Variants in ACLY observed in about 807,000 individuals in gnomAD.
ACLY encodes the protein ATP citrate lyase, also known as ATP-citrate synthase.
A neutral mutation model predicts 133.0 loss-of-function variants in ACLY; 41 were observed. The observed-to-expected ratio is 0.31, with a 90% CI of 0.24 to 0.40. The LOEUF (loss-of-function observed/expected upper bound fraction) is 0.40. Ranked by LOEUF, ACLY falls within the 10% of genes least tolerant of loss-of-function variation. ACLY has a pLI of 1.00. For synonymous variants in ACLY, 495 were observed against 549.3 expected (o/e 0.90, Z 1.38); for missense variants, 1,046 against 1,453.8 (o/e 0.72, Z 4.56).
chr17:41,929,632 C>A (rs2050290444), intron 1 of ACLY, among the ~76,000 whole-genome samples: 1 of 152,158 alleles, frequency 6.6e-6, no homozygotes, highest in South Asian at 2.1e-4. Context: ...AGATAAAACT[C>A]CTTCAAGCAG....
chr17:41,908,953 A>G lies in ACLY; in HGVS notation c.616+36T>C, dbSNP rs200280664. 5.9e-4 allele frequency: 921 copies of G among 1,553,154 alleles called. 6 individuals are homozygous for G. The African/African-American group carries it at 0.011, about 19-fold the overall frequency. On this transcript the variant is annotated intron_variant, in intron 6 of 28. Coordinates refer to ENST00000352035, the MANE Select transcript of ACLY (RefSeq NM_001096.3). The stretch of plus-strand genomic sequence containing the variant: ...GGCCAGGGCTGTCATAGGCACTGGG[A>G]CCCTTGCCCCCTCCCAGCCAAGCAC...
In ACLY at chr17:41,909,718, A is replaced by G. The variant is rs527938992; in HGVS notation, c.346-18T>C. Reference sequence around the variant, plus strand: ...TCCTCAGCCTTGCAGGTGAAGAGACAGGACAGTGGGATTGGGGTTGTGGGG... The same window carrying G: ...TCCTCAGCCTTGCAGGTGAAGAGACGGGACAGTGGGATTGGGGTTGTGGGG... On this transcript the variant is annotated intron_variant, in intron 4 of 28. Coordinates refer to ENST00000352035, the MANE Select transcript of ACLY (RefSeq NM_001096.3). 2 of 1,611,432 alleles carry G rather than the reference A, an allele frequency of 1.2e-6. No individual in the cohort carries two copies. Among genetic ancestry groups the G allele is most frequent in the South Asian group, 1.1e-5 (1 of 90,974 alleles).
chr17:41,879,813 G>C (rs2048868489), intron 20 of ACLY, among the ~76,000 whole-genome samples: 1 of 151,106 alleles, frequency 6.6e-6, no homozygotes, highest in Non-Finnish European at 1.5e-5. Flanking sequence ...CAACCTCCCA[G>C]GCTCGGGTGA....
At chr17:41,923,732 G>T (rs1252227178), upstream of ACLY, among the ~76,000 whole-genome samples, 1 of 152,178 alleles carries the variant, frequency 6.6e-6, no homozygotes, top group Admixed American at 6.5e-5. Flanking sequence ...CAATTGTAGG[G>T]GAAGGGCAGG....
intron 27 of ACLY, 94 bp downstream of exon 27, chr17:41,868,945 TCAAA>T: frequency 7.3e-7 from 1 of 1,366,438 alleles, no homozygotes; most frequent in Admixed American, 1.9e-5. Context: ...TCCTTATTTT[TCAAA>T]TATTCTATTA....
chr17:41,874,032 C>G, intron 22 of ACLY, 67 bp from the exon 23 acceptor site: 1 of 1,464,168 alleles, frequency 6.8e-7, no homozygotes, highest in Non-Finnish European at 9.1e-7. Context: ...CAGGACTGCC[C>G]TGCTGTGTGT....
intron 22 of ACLY, among the ~76,000 whole-genome samples, chr17:41,875,139 A>G (rs1357878953): frequency 1.3e-5 from 2 of 151,852 alleles, no homozygotes; most frequent in Non-Finnish European, 2.9e-5. Context: ...ACTTGAGGTC[A>G]GGAGTTCGAG....
chr17:41,887,081 G>T (rs940121609), intron 17 of ACLY, among the ~76,000 whole-genome samples: 1 of 143,338 alleles, frequency 7.0e-6, no homozygotes, highest in Non-Finnish European at 1.5e-5. Flanking sequence ...CCAAGATCGT[G>T]CCACTGCACT....
intron 5 of ACLY, 53 bp downstream of exon 5, chr17:41,909,457 C>T (rs905301132): frequency 5.1e-6 from 8 of 1,580,576 alleles, no homozygotes; most frequent in Non-Finnish European, 6.1e-6. Context: ...TGCCCAGAGC[C>T]TGTCGGTCTT....
At chr17:41,892,258 C>T (rs781835265) in intron 16 of ACLY, 21 bp downstream of exon 16, 3 of 377,388 alleles carry the variant, frequency 7.9e-6, no homozygotes, top group East Asian at 2.3e-4. Context: ...ACCCCCCACC[C>T]TCCAGAGCCC....
rs60296550 is a variant in ACLY at position 41,900,069 on chromosome 17, C to CAAAAAAAAAAAAA, written c.1184-1297_1184-1285dup. Among the ~76,000 whole-genome samples the CAAAAAAAAAAAAA allele has an allele frequency of 3.0e-4, 14 of 46,630 alleles. 1 individual carries two copies. Among genetic ancestry groups the CAAAAAAAAAAAAA allele is most frequent in the African/African-American group, 5.9e-4 (9 of 15,188 alleles). 30.6% of individuals were successfully genotyped at this position (46,630 alleles called of 152,430 possible). Reference sequence around the variant, plus strand: ...GGGTGACAGAGTGAGACCCTGTCTCCAAAAAAAAAAAAAAAAAAAAAAAAA... The same window carrying CAAAAAAAAAAAAA: ...GGGTGACAGAGTGAGACCCTGTCTCCAAAAAAAAAAAAAAAAAAAAAAAAAAAAAAAAAAAAAA... On this transcript the variant is annotated intron_variant, in intron 11 of 28. Transcript: ENST00000352035.
At chr17:41,918,991 A>G, upstream of ACLY, 1 of 1,286,782 alleles carries the variant, frequency 7.8e-7, no homozygotes, top group Non-Finnish European at 1.0e-6. Context: ...GTCCCGGCCC[A>G]GCCGGACTTT....
At chr17:41,882,373 A>AAAAAAAAAAAC (rs2048940687) in intron 20 of ACLY, among the ~76,000 whole-genome samples, 1 of 139,864 alleles carries the variant, frequency 7.1e-6, no homozygotes, top group East Asian at 2.1e-4. Context: ...TCTCCAAAAA[A>AAAAAAAAAAAC]AAAAAAAAAA....
chr17:41,907,317 C>T (rs1206398120), intron 7 of ACLY, 125 bp downstream of exon 7: 7 of 522,412 alleles, frequency 1.3e-5, no homozygotes, highest in African/African-American at 1.2e-4. Flanking sequence ...AAATTAAATG[C>T]TTCTCAGTCT....
At chr17:41,875,592 C>T (rs1438037648) in intron 22 of ACLY, among the ~76,000 whole-genome samples, 1 of 152,196 alleles carries the variant, frequency 6.6e-6, no homozygotes, top group African/African-American at 2.4e-5. Context: ...CAGGCGCGCG[C>T]CGCCACGCCT....
intron 16 of ACLY, among the ~76,000 whole-genome samples, chr17:41,889,524 C>CAAAAAAA (rs533387140): frequency 0.22 from 7,095 of 31,592 alleles, 3,074 homozygotes; most frequent in South Asian, 0.36. Flanking sequence ...CTCCATTTCA[C>CAAAAAAA]AAAAAAAAAA....
At position 41,887,657 on chromosome 17, in the gene ACLY, G is replaced by A. The variant is rs1555628504; in HGVS notation, c.1817C>T (p.Thr606Met). 2.5e-6 allele frequency: 4 copies of A among 1,613,744 alleles called. No homozygotes were observed. The highest frequency in any genetic ancestry group is 1.7e-6 in the Non-Finnish European group (2 of 1,179,808). Residue 606 changes from threonine to methionine, a missense_variant, in exon 17 of 29, where the codon ACG (threonine) becomes ATG (methionine). Thr to Met is a moderately conservative substitution (Grantham distance 81). Around this residue, in one of 4 missense-constraint regions of ACLY, gnomAD observed 575 missense variants for 804.2 expected, o/e 0.71. Coordinates refer to ENST00000352035, the MANE Select transcript of ACLY (RefSeq NM_001096.3). ...IIAEGIPEALTRKLIKKADQK... is the reference protein window; with the variant it reads ...IIAEGIPEALMRKLIKKADQK... ...GTCCGCCTTCTTGATCAGCTTTCTC[G>A]TGAGGGCCTCAGGGATGCCTTCAGC...
intron 20 of ACLY, among the ~76,000 whole-genome samples, chr17:41,880,796 G>T (rs563787914): frequency 6.6e-6 from 1 of 152,054 alleles, no homozygotes; most frequent in South Asian, 2.1e-4. Flanking sequence ...AACCCCGGAG[G>T]TGGAGCTTGC....
At chr17:41,904,552 G>T in intron 10 of ACLY, 177 bp downstream of exon 10, 1 of 613,176 alleles carries the variant, frequency 1.6e-6, no homozygotes, top group Non-Finnish European at 2.9e-6. Context: ...GCGCAGATGG[G>T]CAGCTCCTGT....
Sources: gnomAD v4.1 joint callset for allele counts (sites outside exome capture counted in the v4.1 genomes callset) on GRCh38, gnomAD v4.1.1 for gene constraint, gnomAD v4.1.1 regional missense constraint, MANE v1.5 for transcripts, NCBI Gene and HGNC (gene_info 2026-07-23, HGNC 2026-07-21) for gene names.